The following CSMD1 variants were observed in gnomAD, a reference collection of about 807,000 sequenced individuals.
The protein encoded by CSMD1 is CUB and sushi domain-containing protein 1.
A neutral mutation model predicts 417.5 loss-of-function variants in CSMD1; 213 were observed. The observed-to-expected ratio is 0.51, with a 90% CI of 0.46 to 0.57. The LOEUF is 0.57. CSMD1 is among the 20% of genes least tolerant of loss of function. The probability of loss-of-function intolerance (pLI) is 0.00; values close to 1 mark genes in which losing one functional copy is unlikely to be tolerated. For synonymous variants in CSMD1, 2,862 were observed against 1,736.8 expected (o/e 1.65, Z -16.11); for missense variants, 6,923 against 4,529.7 (o/e 1.53, Z -15.17).
At chr8:4,415,217 G>A (rs1415947493) in intron 3 of CSMD1, among the ~76,000 whole-genome samples, 15 of 151,978 alleles carry the variant, frequency 9.9e-5, no homozygotes, top group Admixed American at 7.9e-4. Flanking sequence ...ATCCGCCTCC[G>A]CTCCCCACTG....
chr8:3,399,369 T>C, intron 16 of CSMD1, 22 bp downstream of exon 16: 1 of 1,585,252 alleles, frequency 6.3e-7, no homozygotes, highest in Non-Finnish European at 8.6e-7. Context: ...TGGGTCCAAA[T>C]GAAGACTAAT....
intron 6 of CSMD1, among the ~76,000 whole-genome samples, chr8:3,732,989 A>T (rs1796343031): frequency 6.6e-6 from 1 of 151,938 alleles, no homozygotes; most frequent in African/African-American, 2.4e-5. Flanking sequence ...CTACCTACCT[A>T]CCTACCTAAA....
At chr8:4,446,430 C>T (rs944103174) in intron 2 of CSMD1, among the ~76,000 whole-genome samples, 11 of 152,092 alleles carry the variant, frequency 7.2e-5, no homozygotes, top group African/African-American at 2.7e-4. Flanking sequence ...CACCTGTAGT[C>T]CCCGCTACTC....
chr8:3,257,262 C>T (rs73185588), intron 26 of CSMD1, among the ~76,000 whole-genome samples: 15,667 of 152,124 alleles, frequency 0.1, 1,000 homozygotes, highest in Admixed American at 0.14. Context: ...AGGCAGAGTT[C>T]GCAGCAAGCC....
At chr8:4,994,103 CAA>C (rs1811625785) in intron 1 of CSMD1, among the ~76,000 whole-genome samples, 1 of 150,218 alleles carries the variant, frequency 6.7e-6, no homozygotes, top group South Asian at 2.1e-4. Flanking sequence ...CCTGTGAGCC[CAA>C]GAGAGGGGGA....
intron 17 of CSMD1, among the ~76,000 whole-genome samples, chr8:3,392,442 G>A (rs1277581624): frequency 2.6e-5 from 4 of 152,014 alleles, no homozygotes; most frequent in Admixed American, 2.0e-4. Flanking sequence ...CCTGGATGAA[G>A]GGGTTGGTAG....
At chr8:4,672,467 G>A (rs1023406253) in intron 1 of CSMD1, among the ~76,000 whole-genome samples, 1 of 152,066 alleles carries the variant, frequency 6.6e-6, no homozygotes, top group African/African-American at 2.4e-5. Flanking sequence ...GAGAAAAGAG[G>A]GAGAATAATT....
intron 22 of CSMD1, among the ~76,000 whole-genome samples, chr8:3,347,385 C>T (rs945472932): frequency 1.3e-5 from 2 of 152,168 alleles, no homozygotes; most frequent in African/African-American, 2.4e-5. Context: ...TTTTGTCAAT[C>T]AACGCAGGAC....
At chr8:3,975,646 G>A (rs1426803744) in intron 5 of CSMD1, among the ~76,000 whole-genome samples, 1 of 152,160 alleles carries the variant, frequency 6.6e-6, no homozygotes, top group Non-Finnish European at 1.5e-5. Flanking sequence ...GTGCCCAGCA[G>A]TGCTTAATGG....
intron 10 of CSMD1, among the ~76,000 whole-genome samples, chr8:3,556,413 A>ATATATATATATATATATT (rs1799147745): frequency 7.1e-6 from 1 of 141,746 alleles, no homozygotes; most frequent in Admixed American, 7.0e-5. Flanking sequence ...ATATATATAT[A>ATATATATATATATATATT]TTCACACACA....
intron 5 of CSMD1, among the ~76,000 whole-genome samples, chr8:3,925,657 C>T (rs1219710877): frequency 6.6e-6 from 1 of 151,944 alleles, no homozygotes; most frequent in Non-Finnish European, 1.5e-5. Context: ...TCAGAGGTTT[C>T]CACTTTTGCC....
intron 4 of CSMD1, among the ~76,000 whole-genome samples, chr8:4,020,221 T>G (rs918593172): frequency 1.3e-5 from 2 of 152,200 alleles, no homozygotes; most frequent in African/African-American, 4.8e-5. Flanking sequence ...CCAGACAGAT[T>G]AAATAAATTG....
intron 8 of CSMD1, chr8:3,613,294 C>T (rs191359752): frequency 3.3e-4 from 138 of 420,684 alleles, no homozygotes; most frequent in Admixed American, 1.1e-3. Flanking sequence ...AAGAAAATTC[C>T]AATTCCAGGT....
At chr8:3,774,031 T>G (rs1434490555) in intron 5 of CSMD1, among the ~76,000 whole-genome samples, 1 of 152,152 alleles carries the variant, frequency 6.6e-6, no homozygotes, top group Non-Finnish European at 1.5e-5. Context: ...ATCCTACCTA[T>G]CTTTCATTCT....
chr8:3,635,137 AC>A (rs930779758), intron 7 of CSMD1, among the ~76,000 whole-genome samples: 3 of 152,074 alleles, frequency 2.0e-5, no homozygotes, highest in African/African-American at 7.2e-5. Context: ...CAGTAAGTGG[AC>A]GGTGAGTGCG....
intron 4 of CSMD1, among the ~76,000 whole-genome samples, chr8:4,009,358 A>G (rs1816374643): frequency 6.6e-6 from 1 of 152,254 alleles, no homozygotes. Flanking sequence ...ATAATTTAAA[A>G]TACAGAATAG....
intron 27 of CSMD1, 102 bp from the exon 28 acceptor site, chr8:3,223,969 T>A: frequency 8.6e-7 from 1 of 1,164,620 alleles, no homozygotes; most frequent in Non-Finnish European, 1.2e-6. Flanking sequence ...GAAAAAGACA[T>A]CAGCATTTTT....
At chr8:4,828,386 C>A (rs543597750) in intron 1 of CSMD1, among the ~76,000 whole-genome samples, 12 of 152,292 alleles carry the variant, frequency 7.9e-5, no homozygotes, top group Admixed American at 7.8e-4. Flanking sequence ...ACCACAATGA[C>A]TTTGCTGTAG....
chr8:3,970,594 A>T (rs1813012752), intron 5 of CSMD1, among the ~76,000 whole-genome samples: 1 of 152,216 alleles, frequency 6.6e-6, no homozygotes, highest in African/African-American at 2.4e-5. Context: ...CAACAGAATG[A>T]ATAGCAAAGG....
Sources: allele counts gnomAD v4.1 joint callset (sites outside exome capture counted in the v4.1 genomes callset), GRCh38; gene constraint gnomAD v4.1.1; transcripts MANE v1.5; gene names NCBI Gene and HGNC (gene_info 2026-07-23, HGNC 2026-07-21).